The following ERG variants were observed in gnomAD, a reference collection of about 807,000 sequenced individuals.
The protein encoded by ERG is transcriptional regulator ERG.
Under a neutral mutation model 55.3 loss-of-function variants are expected in ERG, and 9 were observed. The ratio of observed to expected loss-of-function variants is 0.16; its 90% CI spans 0.10 to 0.28. The LOEUF is 0.28. ERG is among the 10% of genes least tolerant of loss of function. The probability of loss-of-function intolerance (pLI) is 1.00; values close to 1 mark genes in which losing one functional copy is unlikely to be tolerated. For synonymous variants in ERG, 223 were observed against 237.3 expected, an observed-to-expected ratio of 0.94 and a Z score of 0.55; for missense variants, 434 against 631.6, an observed-to-expected ratio of 0.69 and a Z score of 3.35.
At chr21:38,505,790 T>A (rs1308562307) in intron 2 of ERG, among the ~76,000 whole-genome samples, 1 of 152,162 alleles carries the variant, frequency 6.6e-6, no homozygotes, top group Non-Finnish European at 1.5e-5. Flanking sequence ...CTACACTGCA[T>A]TGTTGACTTG....
intron 1 of ERG, among the ~76,000 whole-genome samples, chr21:38,591,934 T>C (rs1372092161): frequency 2.6e-5 from 4 of 152,186 alleles, no homozygotes; most frequent in Non-Finnish European, 5.9e-5. Context: ...GGTATGTTTA[T>C]AGACAGGATA....
At position 38,402,549 on chromosome 21, in the gene ERG, A is replaced by G. The variant is rs776288449; in HGVS notation, c.673+8T>C. The G allele has an allele frequency of 1.3e-5, 21 of 1,608,830 alleles. No homozygotes were observed. The highest frequency in any genetic ancestry group is 2.2e-5 in the East Asian group (1 of 44,750). Reference sequence around the variant, plus strand: ...CTTGCTGGGAGGCAGGGGCGGGGCCAGCATTACCTGTGTTTCTAGCATGCA... The same window carrying G: ...CTTGCTGGGAGGCAGGGGCGGGGCCGGCATTACCTGTGTTTCTAGCATGCA... On this transcript the variant is annotated splice_region_variant and intron_variant, in intron 5 of 9. Transcript: ENST00000288319.
At chr21:38,412,562 G>T (rs1413379737) in intron 3 of ERG, among the ~76,000 whole-genome samples, 1 of 151,874 alleles carries the variant, frequency 6.6e-6, no homozygotes, top group Admixed American at 6.6e-5. Flanking sequence ...CAATTTCATT[G>T]CTCCCATTTC....
intron 1 of ERG, among the ~76,000 whole-genome samples, chr21:38,470,114 T>C (rs1253619353): frequency 6.6e-6 from 1 of 152,214 alleles, no homozygotes; most frequent in Admixed American, 6.5e-5. Flanking sequence ...ACACATCTAG[T>C]TACTTAACCT....
intron 1 of ERG, among the ~76,000 whole-genome samples, chr21:38,466,417 T>C (rs2059090870): frequency 6.6e-6 from 1 of 151,882 alleles, no homozygotes; most frequent in Admixed American, 6.6e-5. Flanking sequence ...AATATCACTC[T>C]TATTTAGGTA....
At chr21:38,515,378 G>A (rs1365283794) in intron 2 of ERG, among the ~76,000 whole-genome samples, 2 of 151,802 alleles carry the variant, frequency 1.3e-5, no homozygotes, top group African/African-American at 4.8e-5. Flanking sequence ...GAATCAGAAA[G>A]AAACTGAAAA....
chr21:38,648,344 C>A (rs908217068), intron 1 of ERG, among the ~76,000 whole-genome samples: 6 of 152,196 alleles, frequency 3.9e-5, no homozygotes, highest in Admixed American at 2.6e-4. Flanking sequence ...CTGACCAGTG[C>A]CGTCCTGATC....
At chr21:38,536,569 G>C (rs542673845) in intron 2 of ERG, among the ~76,000 whole-genome samples, 2 of 152,264 alleles carry the variant, frequency 1.3e-5, no homozygotes, top group African/African-American at 2.4e-5. Context: ...ACTAAACTTA[G>C]AGGCAACAGA....
At chr21:38,625,289 T>C (rs2060317458) in intron 1 of ERG, among the ~76,000 whole-genome samples, 2 of 152,196 alleles carry the variant, frequency 1.3e-5, no homozygotes, top group Admixed American at 6.5e-5. Flanking sequence ...ATATATAAAT[T>C]CACCTCTTAG....
At chr21:38,378,813 A>AAATAGCT (rs1435313652), downstream of ERG, among the ~76,000 whole-genome samples, 2 of 152,240 alleles carry the variant, frequency 1.3e-5, no homozygotes, top group African/African-American at 4.8e-5. Context: ...ATATGAGGCA[A>AAATAGCT]AATAGCTTAA....
chr21:38,431,319 G>A (rs1230980643), intron 2 of ERG, among the ~76,000 whole-genome samples: 4 of 152,164 alleles, frequency 2.6e-5, no homozygotes, highest in African/African-American at 7.2e-5. Flanking sequence ...CCACTTGGAT[G>A]AACAAGAGTT....
At chr21:38,470,530 C>T (rs1442580521) in intron 1 of ERG, among the ~76,000 whole-genome samples, 1 of 151,826 alleles carries the variant, frequency 6.6e-6, no homozygotes, top group African/African-American at 2.4e-5. Flanking sequence ...ATTGCATTTA[C>T]CTTACCAAAT....
chr21:38,386,933 T>C (rs1173895105), intron 9 of ERG, among the ~76,000 whole-genome samples: 14 of 152,100 alleles, frequency 9.2e-5, no homozygotes, highest in Non-Finnish European at 1.6e-4. Context: ...CAGAGAACCC[T>C]GTGGGTGAAA....
At chr21:38,483,789 G>A (rs777059487) in intron 1 of ERG, among the ~76,000 whole-genome samples, 11 of 152,138 alleles carry the variant, frequency 7.2e-5, no homozygotes, top group Non-Finnish European at 1.3e-4. Flanking sequence ...CTTGAACCCC[G>A]GGAGAGGGTG....
intron 1 of ERG, among the ~76,000 whole-genome samples, chr21:38,592,571 C>CTGTGTGTGTGTGTGTGTGTG (rs56195027): frequency 1.4e-4 from 21 of 148,100 alleles, no homozygotes; most frequent in African/African-American, 5.0e-4. Context: ...TCTCCCTTCA[C>CTGTGTGTGTGTGTGTGTGTG]TGTGTGTGTG....
rs368546270 is a variant in ERG, at chr21:38,575,395, G to A, written c.-41+267C>T. 3.9e-4 allele frequency among the ~76,000 whole-genome samples: 59 copies of A among 152,302 alleles called. No individual in the cohort carries two copies. In the South Asian group the frequency reaches 0.011, roughly 28 times the overall value. On this transcript the variant is annotated intron_variant, in intron 2 of 8. Coordinates refer to the ERG transcript ENST00000398897. ...ACTGTGCCATTATGGAGTGAAGGCA[G>A]CCACAGATGATATAGAAATGAATGC...
intron 6 of ERG, among the ~76,000 whole-genome samples, chr21:38,393,195 A>G (rs1244481792): frequency 6.6e-6 from 1 of 152,210 alleles, no homozygotes; most frequent in East Asian, 1.9e-4. Context: ...TTGTATTTAT[A>G]AAGTCGTATC....
At position 38,600,351 on chromosome 21, in the gene ERG, T is replaced by C. The variant is rs190198732; in HGVS notation, c.-149-15406A>G. 4.6e-3 allele frequency among the ~76,000 whole-genome samples: 699 copies of C among 152,294 alleles called. 17 individuals are homozygous for C. Among genetic ancestry groups the C allele is most frequent in the Admixed American group, 0.042 (649 of 15,300 alleles). On this transcript the variant is annotated intron_variant, in intron 1 of 10. Coordinates refer to the ERG transcript ENST00000398910. ...ATGTCCAGCTCTACGTAGATTTCTGTAGCTGGGGTCCCATTTTCCTTCAAG... is the reference window on the plus strand; with the variant it reads ...ATGTCCAGCTCTACGTAGATTTCTGCAGCTGGGGTCCCATTTTCCTTCAAG...
intron 3 of ERG, among the ~76,000 whole-genome samples, chr21:38,423,102 TG>T (rs1989622143): frequency 6.6e-6 from 1 of 151,726 alleles, no homozygotes; most frequent in African/African-American, 2.4e-5. Flanking sequence ...TGTGTGTGTG[TG>T]TGTGTGTGTG....
Sources: gnomAD v4.1 joint callset for allele counts (sites outside exome capture counted in the v4.1 genomes callset) on GRCh38, gnomAD v4.1.1 for gene constraint, MANE v1.5 for transcripts, NCBI Gene and HGNC (gene_info 2026-07-23, HGNC 2026-07-21) for gene names.